The following PDGFC variants were observed in gnomAD, a reference collection of about 807,000 sequenced individuals.
The protein encoded by PDGFC is platelet derived growth factor C, also known as platelet-derived growth factor C.
Under a neutral mutation model 35.5 loss-of-function variants are expected in PDGFC, and 12 were observed. That is an observed-to-expected ratio of 0.34 (90% CI 0.22 to 0.55). PDGFC has a LOEUF of 0.55. Among genes scored for constraint, PDGFC ranks in the 20% least tolerant of loss-of-function variants. The pLI is 0.91. For synonymous variants in PDGFC, 159 were observed against 148.8 expected, an observed-to-expected ratio of 1.07 and a Z score of -0.50; for missense variants, 322 against 412.4, an observed-to-expected ratio of 0.78 and a Z score of 1.90.
intron 3 of PDGFC, among the ~76,000 whole-genome samples, chr4:156,797,908 G>T (rs1255638204): frequency 5.9e-5 from 9 of 152,152 alleles, no homozygotes; most frequent in African/African-American, 1.9e-4. Context: ...TACTTGAGGA[G>T]ACCAGGCGCG....
intron 2 of PDGFC, among the ~76,000 whole-genome samples, chr4:156,826,744 G>A (rs972564228): frequency 6.6e-6 from 1 of 152,062 alleles, no homozygotes; most frequent in Non-Finnish European, 1.5e-5. Flanking sequence ...AGGATTAAAG[G>A]CCTATCAAAG....
intron 3 of PDGFC, among the ~76,000 whole-genome samples, chr4:156,797,327 C>A (rs1731472422): frequency 6.6e-6 from 1 of 151,856 alleles, no homozygotes; most frequent in Non-Finnish European, 1.5e-5. Context: ...AATTAAGGAG[C>A]ACACTCACCC....
intron 1 of PDGFC, among the ~76,000 whole-genome samples, chr4:156,968,422 G>T (rs1344505434): frequency 6.6e-6 from 1 of 152,144 alleles, no homozygotes; most frequent in Non-Finnish European, 1.5e-5. Context: ...TGTCAAAATT[G>T]AGACAGCAAC....
chr4:156,820,773 C>A (rs1732230839), intron 2 of PDGFC, among the ~76,000 whole-genome samples: 1 of 152,030 alleles, frequency 6.6e-6, no homozygotes, highest in African/African-American at 2.4e-5. Context: ...ATAAAATCAA[C>A]AACTTAGATA....
chr4:156,807,889 T>C (rs752514562), intron 3 of PDGFC, among the ~76,000 whole-genome samples: 3 of 152,052 alleles, frequency 2.0e-5, no homozygotes, highest in East Asian at 3.9e-4. Flanking sequence ...TTATGAAAAG[T>C]AGATAATGTT....
At chr4:156,921,409 G>A (rs543975504) in intron 1 of PDGFC, among the ~76,000 whole-genome samples, 37 of 152,192 alleles carry the variant, frequency 2.4e-4, no homozygotes, top group African/African-American at 8.7e-4. Flanking sequence ...AATGAGATGG[G>A]ATGTATTTGG....
At chr4:156,773,743 G>C (rs531911481) in intron 3 of PDGFC, 1 of 152,206 alleles carries the variant, frequency 6.6e-6, no homozygotes, top group Non-Finnish European at 1.5e-5. Flanking sequence ...CTGAGGATGT[G>C]ATTAAATTGG....
At chr4:156,883,700 G>A (rs1050538306) in intron 1 of PDGFC, among the ~76,000 whole-genome samples, 7 of 152,164 alleles carry the variant, frequency 4.6e-5, no homozygotes, top group Admixed American at 2.0e-4. Context: ...TATCTTTGAT[G>A]ATCTGAGATT....
intron 1 of PDGFC, among the ~76,000 whole-genome samples, chr4:156,910,664 A>C (rs892946442): frequency 2.0e-5 from 3 of 152,124 alleles, no homozygotes; most frequent in Non-Finnish European, 4.4e-5. Flanking sequence ...CCAGTGACAT[A>C]TGGGAGATCC....
chr4:156,851,976 C>T (rs1729468166), intron 1 of PDGFC, among the ~76,000 whole-genome samples: 2 of 140,404 alleles, frequency 1.4e-5, no homozygotes, highest in African/African-American at 5.4e-5. Flanking sequence ...AGGATGCTAA[C>T]TTCCAATGAG....
intron 1 of PDGFC, among the ~76,000 whole-genome samples, chr4:156,853,134 C>A (rs2111091092): frequency 6.6e-6 from 1 of 152,360 alleles, no homozygotes. Flanking sequence ...AATACACCTT[C>A]TATCGCACAC....
chr4:156,825,509 CACCACACTATAG>C (rs1277420038), intron 2 of PDGFC, among the ~76,000 whole-genome samples: 4 of 148,016 alleles, frequency 2.7e-5, no homozygotes, highest in African/African-American at 1.0e-4. Flanking sequence ...ATGATCTCAC[CACCACACTATAG>C]ACTTTCTGAC....
intron 1 of PDGFC, among the ~76,000 whole-genome samples, chr4:156,900,039 T>A (rs1191255420): frequency 6.6e-6 from 1 of 152,202 alleles, no homozygotes; most frequent in Non-Finnish European, 1.5e-5. Flanking sequence ...TAAATATTAT[T>A]CATCTATATT....
intron 2 of PDGFC, among the ~76,000 whole-genome samples, chr4:156,824,325 T>TACACACATATACAC (rs60087416): frequency 9.1e-6 from 1 of 109,636 alleles, no homozygotes; most frequent in African/African-American, 4.8e-5. Context: ...TATATATATA[T>TACACACATATACAC]ATACACACAC....
At chr4:156,851,511 A>G (rs17035317) in intron 1 of PDGFC, among the ~76,000 whole-genome samples, 3,222 of 152,270 alleles carry the variant, frequency 0.021, 40 homozygotes, top group South Asian at 0.04. Flanking sequence ...CACTGCTGAG[A>G]AAGGAAGTAT....
chr4:156,951,745 A>T (rs1049570113), intron 1 of PDGFC, among the ~76,000 whole-genome samples: 2 of 151,106 alleles, frequency 1.3e-5, no homozygotes, highest in East Asian at 2.0e-4. Flanking sequence ...AAAAAAAAAA[A>T]ACAAAAAACC....
intron 3 of PDGFC, among the ~76,000 whole-genome samples, chr4:156,784,048 T>C (rs1163699716): frequency 2.0e-5 from 3 of 152,156 alleles, no homozygotes; most frequent in East Asian, 3.9e-4. Context: ...CAATTTATAA[T>C]AAGTGGAGGT....
intron 1 of PDGFC, chr4:156,967,581 G>C (rs1273738586): frequency 6.6e-6 from 1 of 152,152 alleles, no homozygotes; most frequent in African/African-American, 2.4e-5. Context: ...CAACAACACA[G>C]GTAGAAGAGG....
chr4:156,791,556 A>G (rs776332900), intron 3 of PDGFC, among the ~76,000 whole-genome samples: 4 of 152,174 alleles, frequency 2.6e-5, no homozygotes, highest in Admixed American at 6.5e-5. Flanking sequence ...GACCTAATAA[A>G]GAAGAATTAT....
Sources: gnomAD v4.1 joint callset for allele counts (sites outside exome capture counted in the v4.1 genomes callset) on GRCh38, gnomAD v4.1.1 for gene constraint, MANE v1.5 for transcripts, NCBI Gene and HGNC (gene_info 2026-07-23, HGNC 2026-07-21) for gene names.